The following UBN1 variants were observed in gnomAD, a reference collection of about 807,000 sequenced individuals.
UBN1 encodes ubinuclein 1.
UBN1 carries 17 observed loss-of-function variants against 108.5 expected under a neutral mutation model. That is an observed-to-expected ratio of 0.16 (90% CI 0.11 to 0.24). The LOEUF (loss-of-function observed/expected upper bound fraction) is 0.24. UBN1 is among the 10% of genes least tolerant of loss of function. The pLI is 1.00. For missense variants in UBN1, 1,595 were observed against 1,394.4 expected, an observed-to-expected ratio of 1.14 and a Z score of -2.29; for synonymous variants, 726 against 564.2, an observed-to-expected ratio of 1.29 and a Z score of -4.07.
intron 7 of UBN1, among the ~76,000 whole-genome samples, chr16:4,864,915 C>G (rs553902291): frequency 6.6e-6 from 1 of 152,094 alleles, no homozygotes; most frequent in South Asian, 2.1e-4. Context: ...AAATCATGCC[C>G]GATTTTCTCC....
intron 15 of UBN1, 81 bp from the exon 16 acceptor site, chr16:4,876,790 A>T (rs1596530180): frequency 2.2e-5 from 34 of 1,516,816 alleles, no homozygotes; most frequent in Non-Finnish European, 3.0e-5. Flanking sequence ...CACAAGGAGG[A>T]TCCTTTGTGT....
At chr16:4,849,484 A>G (rs1431237434) in intron 1 of UBN1, among the ~76,000 whole-genome samples, 2 of 152,156 alleles carry the variant, frequency 1.3e-5, no homozygotes, top group Admixed American at 1.3e-4. Flanking sequence ...AGATATATAT[A>G]TATATAGTAA....
rs2087958312 is a variant in UBN1, at chr16:4,877,813, A to AAG, written c.3355+339_3355+340insAG. On this transcript the variant is annotated intron_variant, in intron 17 of 17. Coordinates refer to ENST00000262376, the MANE Select transcript of UBN1 (RefSeq NM_001079514.3). This position sits in a 1 kb window ranked among gnomAD's most constrained non-coding sequence, Gnocchi z 4.3. ...CTCTTCAGTTTAAAAAAAAAAAAAA[A>AAG]GGGAAGGTAATGGTGCATCTTCTCC... 43 of 1,022,380 alleles carry AAG rather than the reference A, an allele frequency of 4.2e-5. No individual in the cohort carries two copies. The highest frequency in any genetic ancestry group is 5.7e-5 in the Admixed American group (1 of 17,520). The allele number at this position is 1,022,380 out of a possible 1,614,324, so 63.3% of individuals were successfully genotyped here. A position where few individuals can be genotyped will look rare whatever the true frequency, so the allele number is the denominator to read the frequency against.
In UBN1 at chr16:4,874,453, T is replaced by A; in HGVS notation, c.2043T>A (p.Ala681=). The A allele has an allele frequency of 1.2e-6, 2 of 1,614,208 alleles. No individual in the cohort carries two copies. The highest frequency in any genetic ancestry group is 2.2e-5 in the South Asian group (2 of 91,084). Reference sequence around the variant, plus strand: ...TGGAAGCCGTGTCCAAGGAATTGGCTGCATTGAATAGCAGAGCAGCTGGGA... The same window carrying A: ...TGGAAGCCGTGTCCAAGGAATTGGCAGCATTGAATAGCAGAGCAGCTGGGA... ...SSVEAVSKEL[A]ALNSRAAGNS... is the part of the protein sequence containing the mutation. The change falls in exon 15 of 18, where the codon GCT becomes GCA. Residue 681 remains alanine, a synonymous_variant. Coordinates refer to ENST00000262376, the MANE Select transcript of UBN1 (RefSeq NM_001079514.3).
chr16:4,872,276 A>T, intron 12 of UBN1: 5 of 985,298 alleles, frequency 5.1e-6, no homozygotes, highest in Non-Finnish European at 6.0e-6. Context: ...GAATGGAGGG[A>T]CTAGGCAATA....
In UBN1 at chr16:4,876,910, T is replaced by C. The variant is rs369654225; in HGVS notation, c.3064T>C (p.Leu1022=). The C allele has an allele frequency of 3.2e-5, 52 of 1,613,388 alleles. No individual in the cohort carries two copies. The highest frequency in any genetic ancestry group is 4.1e-5 in the Non-Finnish European group (48 of 1,179,696). The change falls in exon 16 of 18, where the codon TTG becomes CTG. Residue 1022 remains leucine (L), a synonymous_variant. Transcript: ENST00000262376. ...GACTGTGCTGCTGGCCGGCTCCTCT[T>C]TGATGGCTTCACCCTACAAATCCAG... is the stretch of plus-strand genomic sequence containing the variant. ...SGTVLLAGSS[L]MASPYKSSSP...
intron 1 of UBN1, among the ~76,000 whole-genome samples, chr16:4,851,055 A>T (rs2086533704): frequency 6.6e-6 from 1 of 152,228 alleles, no homozygotes; most frequent in South Asian, 2.1e-4. Context: ...GATATCTGTG[A>T]TGTTGCTTTG....
chr16:4,871,050 G>C, intron 11 of UBN1, 78 bp downstream of exon 11: 3 of 1,603,642 alleles, frequency 1.9e-6, no homozygotes, highest in Non-Finnish European at 2.6e-6. Flanking sequence ...TGCTGACAAA[G>C]GTTAGGCTCA....
rs763358958 is a variant in UBN1 at position 4,859,929 on chromosome 16, A to G, written c.632A>G (p.Lys211Arg). 6.2e-7 allele frequency: 1 copy of G among 1,614,166 alleles called. No individual in the cohort carries two copies. The highest frequency in any genetic ancestry group is 1.1e-5 in the South Asian group (1 of 91,086). Reference sequence around the variant, plus strand: ...AAGAAAAAAGATGACACTTATGACAAGGAGAAGAAATCGAAAAAGTCCAAG... The same window carrying G: ...AAGAAAAAAGATGACACTTATGACAGGGAGAAGAAATCGAAAAAGTCCAAG... ...KKKKKDDTYDKEKKSKKSKFS... is the reference protein window; with the variant it reads ...KKKKKDDTYDREKKSKKSKFS... The change falls in exon 6 of 18, where the codon AAG (lysine) becomes AGG (arginine). Residue 211 changes from lysine to arginine, a missense_variant. Transcript: ENST00000262376.
intron 1 of UBN1, chr16:4,852,433 T>G (rs757505051): frequency 1.3e-5 from 2 of 157,770 alleles, no homozygotes; most frequent in African/African-American, 2.4e-5. Flanking sequence ...AGGCAATATC[T>G]TTTGTTCAGC....
At position 4,851,989 on chromosome 16, in the gene UBN1, TAAGA is replaced by T. The variant is rs565169069; in HGVS notation, c.-39-886_-39-883del. Among the ~76,000 whole-genome samples the T allele has an allele frequency of 4.6e-5, 7 of 152,338 alleles. No individual in the cohort carries two copies. The South Asian group carries it at 1.4e-3, about 32-fold the overall frequency. The stretch of plus-strand genomic sequence containing the variant: ...AATATCAAGAGCGCTTACAAGTCAA[TAAGA>T]AAGTCACAATTTATTCAACCATTCC... On this transcript the variant is annotated intron_variant, in intron 1 of 17. Coordinates refer to ENST00000262376, the MANE Select transcript of UBN1 (RefSeq NM_001079514.3).
At chr16:4,857,368 A>C (rs953731710) in intron 2 of UBN1, among the ~76,000 whole-genome samples, 1 of 150,896 alleles carries the variant, frequency 6.6e-6, no homozygotes, top group African/African-American at 2.4e-5. Context: ...AAAAAAAAAA[A>C]ATTTTTTTTT....
intron 7 of UBN1, among the ~76,000 whole-genome samples, chr16:4,867,234 A>C (rs1045912910): frequency 1.3e-5 from 2 of 152,222 alleles, no homozygotes; most frequent in African/African-American, 4.8e-5. Flanking sequence ...AGCAGAAGCC[A>C]GTGGGTCTGG....
intron 4 of UBN1, 104 bp downstream of exon 4, chr16:4,858,767 C>G: frequency 1.7e-6 from 2 of 1,144,440 alleles, no homozygotes; most frequent in Non-Finnish European, 2.6e-6. Context: ...GTGCCCTCTT[C>G]CCAGCATGAG....
chr16:4,866,020 T>C (rs1393401228), intron 7 of UBN1, among the ~76,000 whole-genome samples: 2 of 152,150 alleles, frequency 1.3e-5, no homozygotes, highest in East Asian at 3.8e-4. Context: ...ATTGGAAGTT[T>C]AAGCTGTAGA....
rs925058001 is a variant in UBN1 at position 4,874,659 on chromosome 16, C to T, written c.2249C>T (p.Ser750Phe). Residue 750 changes from serine to phenylalanine, a missense_variant, in exon 15 of 18, where the codon TCT becomes TTT. Around this residue, in one of 3 missense-constraint regions of UBN1, gnomAD observed 1,398 missense variants for 1,194.7 expected, o/e 1.17. Coordinates refer to ENST00000262376, the MANE Select transcript of UBN1 (RefSeq NM_001079514.3). ...CAGGCTCTGGCACTGGGGCAGTCCTCTCAGGAGAAAAAACCAGAGAGTTCT... is the reference window on the plus strand; with the variant it reads ...CAGGCTCTGGCACTGGGGCAGTCCTTTCAGGAGAAAAAACCAGAGAGTTCT... ...AEQALALGQS[S>F]QEKKPESSGY... The T allele has an allele frequency of 6.2e-6, 10 of 1,614,072 alleles. No homozygotes were observed. The highest frequency in any genetic ancestry group is 7.6e-6 in the Non-Finnish European group (9 of 1,180,028).
At chr16:4,866,126 C>G (rs891933025) in intron 7 of UBN1, among the ~76,000 whole-genome samples, 1 of 151,960 alleles carries the variant, frequency 6.6e-6, no homozygotes, top group Non-Finnish European at 1.5e-5. Flanking sequence ...TAAGCTTAAG[C>G]AAAAAAAGTT....
chr16:4,859,927 CAAG>C lies in UBN1; in HGVS notation c.631_633del (p.Lys211del). The stretch of plus-strand genomic sequence containing the variant: ...AGAAGAAAAAAGATGACACTTATGA[CAAG>C]GAGAAGAAATCGAAAAAGTCCAAGT... On this transcript the variant is annotated inframe_deletion, in exon 6 of 18. Transcript: ENST00000262376. 6.2e-7 allele frequency: 1 copy of C among 1,614,122 alleles called. No individual in the cohort carries two copies. The highest frequency in any genetic ancestry group is 8.5e-7 in the Non-Finnish European group (1 of 1,180,008).
rs760055198 is a variant in UBN1, at chr16:4,857,996, G to T, written c.256G>T (p.Asp86Tyr). ...TGGAACGATCTCTTTACAGAAGAAA[G>T]ATCTGTCAGATCCTTTCAATGACGA... ...KGLQPGDKKKDLSDPFNDEEK... is the reference protein window; with the variant it reads ...KGLQPGDKKKYLSDPFNDEEK... The change falls in exon 3 of 18, where the codon GAT becomes TAT. Residue 86 changes from aspartate (D) to tyrosine (Y), a missense_variant. This residue lies in a region of UBN1 where 181 missense variants were observed against 157.3 expected (regional missense o/e 1.15). Coordinates refer to ENST00000262376, the MANE Select transcript of UBN1 (RefSeq NM_001079514.3). The T allele has an allele frequency of 1.9e-6, 3 of 1,610,868 alleles. No homozygotes were observed. Among genetic ancestry groups the T allele is most frequent in the Non-Finnish European group, 2.5e-6 (3 of 1,178,672 alleles).
Sources: allele counts gnomAD v4.1 joint callset (sites outside exome capture counted in the v4.1 genomes callset), GRCh38; gene constraint gnomAD v4.1.1; regional missense constraint gnomAD v4.1.1; non-coding constraint Gnocchi (gnomAD v3.1); transcripts MANE v1.5; gene names NCBI Gene and HGNC (gene_info 2026-07-23, HGNC 2026-07-21).